Variants in DNAH5 observed in about 807,000 individuals in gnomAD.
DNAH5 encodes the protein dynein axonemal heavy chain 5.
In DNAH5, 372 loss-of-function variants were observed where a neutral mutation model predicts 518.2. The observed-to-expected ratio is 0.72, with a 90% CI of 0.66 to 0.78. DNAH5 has a LOEUF of 0.78. Ranked by LOEUF, DNAH5 falls within the 30% of genes least tolerant of loss-of-function variation. DNAH5 has a pLI of 0.00. For missense variants in DNAH5, 5,523 were observed against 5,687.0 expected (o/e 0.97, Z 0.93); for synonymous variants, 2,039 against 2,025.9 (o/e 1.01, Z -0.17).
Position 13,886,745 on chromosome 5 carries a change from C to T in DNAH5, c.2578-616G>A, listed in dbSNP as rs78266319. Among the ~76,000 whole-genome samples, 778 of 152,246 alleles carry T rather than the reference C, an allele frequency of 5.1e-3. 7 individuals carry two copies. The highest frequency in any genetic ancestry group is 0.018 in the African/African-American group (746 of 41,540). ...CAGTGTCCAGCTCCATTCCAAGTTC[C>T]AGCATTATACATCTTTAAACTTATA... On this transcript the variant is annotated intron_variant, in intron 17 of 78. Transcript: ENST00000265104.
chr5:14,003,134 T>A (rs1478793204), intron 1 of DNAH5, among the ~76,000 whole-genome samples: 1 of 152,234 alleles, frequency 6.6e-6, no homozygotes, highest in African/African-American at 2.4e-5. Flanking sequence ...TTGTCCTTTT[T>A]CATTTTGTCT....
intron 38 of DNAH5, among the ~76,000 whole-genome samples, chr5:13,824,916 C>T (rs1289189162): frequency 6.6e-6 from 1 of 152,114 alleles, no homozygotes; most frequent in African/African-American, 2.4e-5. Context: ...TGTCAAATTT[C>T]AGCATATATA....
Position 13,901,432 on chromosome 5 carries a change from A to C in DNAH5, c.1872T>G (p.Ala624=). 6.2e-7 allele frequency: 1 copy of C among 1,614,082 alleles called. No individual in the cohort carries two copies. The highest frequency in any genetic ancestry group is 1.3e-5 in the African/African-American group (1 of 75,048). ...PPLARNQPPI[A]GKILWARQLF... ...GCTGGCGGGCCCACAAAATCTTTCC[A>C]GCGATGGGAGGCTGGTTTCGAGCCA... The change falls in exon 14 of 79, where the codon GCT becomes GCG. Residue 624 remains alanine, a synonymous_variant. Coordinates refer to ENST00000265104, the MANE Select transcript of DNAH5 (RefSeq NM_001369.3).
At chr5:13,919,514 T>C in intron 6 of DNAH5, 162 bp from the exon 7 acceptor site, 3 of 757,866 alleles carry the variant, frequency 4.0e-6, no homozygotes, top group South Asian at 5.2e-5. Context: ...TTAGCATGCA[T>C]CCATTTTTAA....
intron 3 of DNAH5, among the ~76,000 whole-genome samples, chr5:13,927,536 C>CA (rs1464804603): frequency 3.3e-5 from 5 of 151,248 alleles, no homozygotes; most frequent in Admixed American, 2.0e-4. Flanking sequence ...ATAACAACAA[C>CA]AAAAAAAAGA....
Position 13,788,913 on chromosome 5 carries a change from T to C in DNAH5, c.8450A>G (p.Asp2817Gly), listed in dbSNP as rs1756505200. ...TTSEVIKEPN[D>G]LLKLWKHECK... ...CTCATGCTTCCACAGCTTTAACAGATCCTGTTGAAAGTATAATTAAAATGT... is the reference window on the plus strand; with the variant it reads ...CTCATGCTTCCACAGCTTTAACAGACCCTGTTGAAAGTATAATTAAAATGT... The change falls in exon 51 of 79, where the codon GAT (aspartate) becomes GGT (glycine). Residue 2817 changes from aspartate (D) to glycine (G), a missense_variant and splice_region_variant. Asp to Gly is a moderately conservative substitution (Grantham distance 94, BLOSUM62 -1). This residue lies in a region of DNAH5 where 5,121 missense variants were observed against 5,223.3 expected (regional missense o/e 0.98). Coordinates refer to ENST00000265104, the MANE Select transcript of DNAH5 (RefSeq NM_001369.3). The C allele has an allele frequency of 6.2e-7, 1 of 1,613,548 alleles. No individual in the cohort carries two copies. Among genetic ancestry groups the C allele is most frequent in the East Asian group, 2.2e-5 (1 of 44,856 alleles).
Position 13,691,797 on chromosome 5 carries a change from A to G in DNAH5, c.*187T>C. ...TAAATAACATTTTCAACAAACTCAG[A>G]CATTGGTCACTAATGATGAAACAAG... On this transcript the variant is annotated 3_prime_UTR_variant, in exon 79 of 79. Coordinates refer to ENST00000265104, the MANE Select transcript of DNAH5 (RefSeq NM_001369.3). The G allele has an allele frequency of 3.0e-6, 2 of 665,634 alleles. No homozygotes were observed. The highest frequency in any genetic ancestry group is 3.9e-5 in the South Asian group (2 of 51,326). The allele number at this position is 665,634 out of a possible 1,614,324, so 41.2% of individuals were successfully genotyped here.
chr5:13,840,139 G>A (rs182010273), intron 34 of DNAH5, among the ~76,000 whole-genome samples: 261 of 152,176 alleles, frequency 1.7e-3, no homozygotes, highest in Middle Eastern at 6.8e-3. Context: ...TTTATTCCTC[G>A]GAAAGGTAAG....
At chr5:13,876,140 G>T (rs1023364247) in intron 22 of DNAH5, among the ~76,000 whole-genome samples, 6 of 152,132 alleles carry the variant, frequency 3.9e-5, no homozygotes, top group African/African-American at 1.4e-4. Context: ...GTTGAGAGGG[G>T]AGTATGCTGA....
chr5:13,892,286 G>GA (rs1210294868), intron 16 of DNAH5, among the ~76,000 whole-genome samples: 2 of 152,096 alleles, frequency 1.3e-5, no homozygotes, highest in Non-Finnish European at 2.9e-5. Flanking sequence ...GTGTTAAGCT[G>GA]AAAAAAATAG....
At chr5:13,777,417 G>A (rs1561230673) in intron 53 of DNAH5, 62 bp from the exon 54 acceptor site, 1 of 1,495,644 alleles carries the variant, frequency 6.7e-7, no homozygotes, top group East Asian at 2.3e-5. Context: ...AAAGAACCTT[G>A]TAACAACGCA....
chr5:13,890,441 G>A (rs1773058615), intron 17 of DNAH5, among the ~76,000 whole-genome samples: 1 of 150,546 alleles, frequency 6.6e-6, no homozygotes, highest in Non-Finnish European at 1.5e-5. Context: ...GAGATCTTCT[G>A]AGGGCCTTTA....
At chr5:13,858,353 G>C (rs1190615573) in intron 30 of DNAH5, among the ~76,000 whole-genome samples, 2 of 152,138 alleles carry the variant, frequency 1.3e-5, no homozygotes, top group African/African-American at 2.4e-5. Context: ...TCACTCATAA[G>C]TGGGAGTTGA....
chr5:13,972,581 C>A lies in DNAH5; in HGVS notation c.12+39067G>T, dbSNP rs6888600. Among the ~76,000 whole-genome samples the A allele has an allele frequency of 3.9e-3, 600 of 152,262 alleles. 2 individuals are homozygous for A. The highest frequency in any genetic ancestry group is 0.014 in the African/African-American group (590 of 41,546). ...AGTTCATCTCAGCTCTAGGTAAGGT[C>A]AAATCCTTCTCCTGTGATCTGGACC... On this transcript the variant is annotated intron_variant, in intron 1 of 78. Transcript: ENST00000681290.
chr5:13,736,909 C>T (rs971588834), intron 66 of DNAH5, among the ~76,000 whole-genome samples: 5 of 152,136 alleles, frequency 3.3e-5, no homozygotes, highest in African/African-American at 1.2e-4. Flanking sequence ...CATAGTGTTA[C>T]CAAACGATAA....
intron 46 of DNAH5, 40 bp downstream of exon 46, chr5:13,809,004 C>T (rs1254174417): frequency 4.3e-6 from 7 of 1,609,716 alleles, no homozygotes; most frequent in Non-Finnish European, 6.0e-6. Flanking sequence ...CATGTCTCCC[C>T]TTAAAATATG....
At chr5:13,708,042 C>T (rs1579840656) in intron 76 of DNAH5, 81 bp downstream of exon 76, 3 of 1,454,328 alleles carry the variant, frequency 2.1e-6, no homozygotes, top group East Asian at 4.5e-5. Flanking sequence ...AGTAAATTAT[C>T]CTTTCATGCT....
upstream of DNAH5, among the ~76,000 whole-genome samples, chr5:13,949,287 A>G (rs1288850270): frequency 6.6e-6 from 1 of 152,242 alleles, no homozygotes; most frequent in Non-Finnish European, 1.5e-5. Flanking sequence ...GACAATAAAC[A>G]TCCAGTATCT....
intron 55 of DNAH5, among the ~76,000 whole-genome samples, chr5:13,774,513 G>A (rs1753797915): frequency 6.6e-6 from 1 of 152,168 alleles, no homozygotes; most frequent in African/African-American, 2.4e-5. Flanking sequence ...GGAGGCTGTG[G>A]ACGAGCTTTC....
Sources: allele counts gnomAD v4.1 joint callset (sites outside exome capture counted in the v4.1 genomes callset), GRCh38; gene constraint gnomAD v4.1.1; regional missense constraint gnomAD v4.1.1; transcripts MANE v1.5; gene names NCBI Gene and HGNC (gene_info 2026-07-23, HGNC 2026-07-21).